CD82: variants seen among roughly 807,000 people sequenced by gnomAD.
The protein encoded by CD82 is CD82 antigen.
Under a neutral mutation model 37.4 loss-of-function variants are expected in CD82, and 36 were observed. The ratio of observed to expected loss-of-function variants is 0.96; its 90% CI spans 0.74 to 1.27. CD82 has a LOEUF of 1.27. CD82 is among the 50% of genes most tolerant of loss of function. The pLI is 0.00. For synonymous variants in CD82, 158 were observed against 137.4 expected, an observed-to-expected ratio of 1.15 and a Z score of -1.05; for missense variants, 340 against 347.0, an observed-to-expected ratio of 0.98 and a Z score of 0.16.
In CD82 at chr11:44,595,820, A is replaced by C. The variant is rs544096923; in HGVS notation, c.63+1095A>C. 9.9e-5 allele frequency among the ~76,000 whole-genome samples: 14 copies of C among 141,464 alleles called. No individual in the cohort carries two copies. The South Asian group carries it at 1.8e-3, about 18-fold the overall frequency. 92.8% of individuals were successfully genotyped at this position (141,464 alleles called of 152,430 possible). On this transcript the variant is annotated intron_variant, in intron 3 of 9. Transcript: ENST00000227155. ...CATGGTAGGTCTTGCCTGTAATCCCAGTGCTTTGGGAGGCCAAGGCAGGAG... is the reference window on the plus strand; with the variant it reads ...CATGGTAGGTCTTGCCTGTAATCCCCGTGCTTTGGGAGGCCAAGGCAGGAG...
intron 1 of CD82, among the ~76,000 whole-genome samples, chr11:44,572,475 T>A (rs990633093): frequency 6.6e-6 from 1 of 152,344 alleles, no homozygotes; most frequent in African/African-American, 2.4e-5. Flanking sequence ...ATATTGAAGT[T>A]CTTTTTGTGA....
intron 1 of CD82, among the ~76,000 whole-genome samples, chr11:44,587,022 T>G (rs953666136): frequency 6.6e-6 from 1 of 152,154 alleles, no homozygotes; most frequent in African/African-American, 2.4e-5. Context: ...TCGGGCTGCT[T>G]CTTTGAGTCT....
At chr11:44,578,408 G>A (rs1417183796) in intron 1 of CD82, among the ~76,000 whole-genome samples, 2 of 152,082 alleles carry the variant, frequency 1.3e-5, no homozygotes, top group Admixed American at 6.5e-5. Context: ...CCTGGCCCCT[G>A]GGGACAGACC....
chr11:44,587,816 G>A (rs1853079089), intron 2 of CD82: 4 of 348,780 alleles, frequency 1.1e-5, no homozygotes, highest in South Asian at 4.2e-5. Context: ...CCTGCCCTGC[G>A]GGCAAGGACA....
chr11:44,595,707 G>C (rs1853213450), intron 3 of CD82, among the ~76,000 whole-genome samples: 1 of 151,826 alleles, frequency 6.6e-6, no homozygotes, highest in Non-Finnish European at 1.5e-5. Context: ...CTTGTTTGGG[G>C]AACAGGGGGT....
chr11:44,605,406 C>T lies in CD82; in HGVS notation c.313C>T (p.Leu105Phe), dbSNP rs1853379298. 6.2e-7 allele frequency: 1 copy of T among 1,614,082 alleles called. No homozygotes were observed. The highest frequency in any genetic ancestry group is 1.7e-5 in the Admixed American group (1 of 60,012). The change falls in exon 6 of 10, where the codon CTC (leucine) becomes TTC (phenylalanine). Residue 105 changes from leucine to phenylalanine, a missense_variant. Leu to Phe is a conservative substitution (Grantham distance 22). Transcript: ENST00000227155. Reference protein sequence around the residue: ...ILIAQVTAGALFYFNMGKLKQ... With the variant: ...ILIAQVTAGAFFYFNMGKLKQ... ...CATTGCCCAGGTGACGGCCGGGGCC[C>T]TCTTCTACTTCAACATGGGCAAGGT...
chr11:44,608,012 C>CA, intron 6 of CD82: 2 of 152,382 alleles, frequency 1.3e-5, no homozygotes, highest in South Asian at 4.2e-4. Flanking sequence ...TCACCTTAGT[C>CA]CACCACCATC....
chr11:44,596,272 G>A (rs1853225456), intron 3 of CD82, among the ~76,000 whole-genome samples: 1 of 152,252 alleles, frequency 6.6e-6, no homozygotes, highest in Non-Finnish European at 1.5e-5. Flanking sequence ...GCTTTTCCTG[G>A]CAAGCACTTG....
chr11:44,619,157 C>A lies in CD82; in HGVS notation c.*31C>A, dbSNP rs751381541. On this transcript the variant is annotated 3_prime_UTR_variant, in exon 10 of 10. Coordinates refer to ENST00000227155, the MANE Select transcript of CD82 (RefSeq NM_002231.4). ...CTGCTATCCCCATCTCCCTGCCTGG[C>A]CCCCAACCTCAGGGCTCCCAGGGGT... 5 of 1,569,406 alleles carry A rather than the reference C, an allele frequency of 3.2e-6. No individual in the cohort carries two copies. Among genetic ancestry groups the A allele is most frequent in the Non-Finnish European group, 4.4e-6 (5 of 1,139,516 alleles).
chr11:44,564,508 C>T (rs1183894601), upstream of CD82: 2 of 456,306 alleles, frequency 4.4e-6, no homozygotes, highest in Admixed American at 4.7e-5. Flanking sequence ...ACCAGGTAAT[C>T]TGCCTGAGGC....
At chr11:44,604,874 G>A (rs560018506) in intron 4 of CD82, 184 bp from the exon 5 acceptor site, 10 of 718,312 alleles carry the variant, frequency 1.4e-5, no homozygotes, top group Admixed American at 7.0e-5. Context: ...TTTTACTGGG[G>A]GAGGGACACA....
At chr11:44,582,198 G>GT (rs397738342) in intron 1 of CD82, among the ~76,000 whole-genome samples, 2 of 151,764 alleles carry the variant, frequency 1.3e-5, no homozygotes, top group African/African-American at 4.8e-5. Flanking sequence ...GGGGTTTGGG[G>GT]CTGAATGAGA....
rs1852750276 is a variant in CD82, at chr11:44,567,334, G to A, written c.-103+1598G>A. Reference sequence around the variant, plus strand: ...TGTACAGTATGGAACAAACTGGAAAGTGCTGTGGGACAGAGACGGACTGGC... The same window carrying A: ...TGTACAGTATGGAACAAACTGGAAAATGCTGTGGGACAGAGACGGACTGGC... On this transcript the variant is annotated intron_variant, in intron 1 of 9. Coordinates refer to ENST00000227155, the MANE Select transcript of CD82 (RefSeq NM_002231.4). Among the ~76,000 whole-genome samples the A allele has an allele frequency of 2.0e-5, 3 of 152,160 alleles. No homozygotes were observed. In the South Asian group the frequency reaches 6.2e-4, roughly 32 times the overall value.
Position 44,583,967 on chromosome 11 carries a change from A to G in CD82, c.-102-3508A>G, listed in dbSNP as rs185314556. 1.5e-3 allele frequency among the ~76,000 whole-genome samples: 225 copies of G among 152,166 alleles called. 2 individuals carry two copies. Among genetic ancestry groups the G allele is most frequent in the South Asian group, 0.015 (71 of 4,812 alleles). ...TCCTGTGACAGGGGACTCTTCCTTA[A>G]TCTCTAAGACAAACAGGGAGGCACT... is the stretch of plus-strand genomic sequence containing the variant. On this transcript the variant is annotated intron_variant, in intron 1 of 9. Transcript: ENST00000227155.
rs1284244287 is a variant in CD82 at position 44,619,718 on chromosome 11, C to G, written c.*592C>G. 7.7e-6 allele frequency: 1 copy of G among 129,426 alleles called. No homozygotes were observed. Among genetic ancestry groups the G allele is most frequent in the African/African-American group, 3.0e-5 (1 of 33,078 alleles). The allele number at this position is 129,426 out of a possible 1,614,324, so 8.0% of individuals were successfully genotyped here. On this transcript the variant is annotated 3_prime_UTR_variant, in exon 10 of 10. Transcript: ENST00000227155. ...AGCGGAGGTTGCAGTGAGCTGAGATCGTGCTACTGCACTCCAGCCTGGGGG... is the reference window on the plus strand; with the variant it reads ...AGCGGAGGTTGCAGTGAGCTGAGATGGTGCTACTGCACTCCAGCCTGGGGG...
chr11:44,600,324 A>C, intron 4 of CD82, 94 bp downstream of exon 4: 3 of 1,185,468 alleles, frequency 2.5e-6, no homozygotes. Context: ...TTCGGCTTCA[A>C]TGCCTGTTGC....
At chr11:44,601,713 C>T (rs1213178360) in intron 4 of CD82, among the ~76,000 whole-genome samples, 1 of 152,188 alleles carries the variant, frequency 6.6e-6, no homozygotes, top group Admixed American at 6.5e-5. Flanking sequence ...GGTCTACTAT[C>T]TGCAGGAGGG....
At chr11:44,585,448 G>T (rs1361523796) in intron 1 of CD82, among the ~76,000 whole-genome samples, 1 of 152,222 alleles carries the variant, frequency 6.6e-6, no homozygotes, top group African/African-American at 2.4e-5. Context: ...TGCTGGCAAG[G>T]TGTGGCAGAT....
chr11:44,570,725 A>G (rs1259150504), intron 1 of CD82, among the ~76,000 whole-genome samples: 1 of 145,412 alleles, frequency 6.9e-6, no homozygotes, highest in East Asian at 2.0e-4. Context: ...GGCCTTTATT[A>G]CCCTCCTGAG....
Sources: allele counts gnomAD v4.1 joint callset (sites outside exome capture counted in the v4.1 genomes callset), GRCh38; gene constraint gnomAD v4.1.1; transcripts MANE v1.5; gene names NCBI Gene and HGNC (gene_info 2026-07-23, HGNC 2026-07-21).